The following CALD1 variants were observed in gnomAD, a reference collection of about 807,000 sequenced individuals.
The protein encoded by CALD1 is caldesmon 1.
In CALD1, 33 loss-of-function variants were observed where a neutral mutation model predicts 99.9. The observed-to-expected ratio is 0.33, with a 90% confidence interval of 0.25 to 0.44. CALD1 has a LOEUF of 0.44. Ranked by LOEUF, CALD1 falls within the 20% of genes least tolerant of loss-of-function variation. The probability of loss-of-function intolerance (pLI) is 1.00; values close to 1 mark genes in which losing one functional copy is unlikely to be tolerated. For missense variants in CALD1, 861 were observed against 962.1 expected (o/e 0.89, Z 1.39); for synonymous variants, 310 against 325.0 (o/e 0.95, Z 0.50).
chr7:134,749,020 G>A (rs1796661015), intron 1 of CALD1, among the ~76,000 whole-genome samples: 1 of 152,158 alleles, frequency 6.6e-6, no homozygotes, highest in Non-Finnish European at 1.5e-5. Context: ...CCCTGAATCT[G>A]CCCTGAGTTT....
At chr7:134,728,885 C>T in the CALD1 span, among the ~76,000 whole-genome samples, 3 of 132,282 alleles carry the variant, frequency 2.3e-5, no homozygotes, top group Non-Finnish European at 4.7e-5. Flanking sequence ...CAGAGTCTTG[C>T]TCTGTGCCCA....
chr7:134,929,153 T>C (rs1305093574), intron 4 of CALD1, among the ~76,000 whole-genome samples: 1 of 152,224 alleles, frequency 6.6e-6, no homozygotes, highest in Non-Finnish European at 1.5e-5. Flanking sequence ...TGAAGGCTTT[T>C]ATTTCATTTC....
At chr7:134,869,416 G>C (rs564453950) in intron 3 of CALD1, among the ~76,000 whole-genome samples, 1 of 152,310 alleles carries the variant, frequency 6.6e-6, no homozygotes, top group African/African-American at 2.4e-5. Context: ...CAGTGGACTA[G>C]AATATGGGGA....
chr7:134,739,807 C>T (rs1179580310), upstream of CALD1, among the ~76,000 whole-genome samples: 2 of 151,794 alleles, frequency 1.3e-5, no homozygotes, highest in Non-Finnish European at 1.5e-5. Flanking sequence ...TTTGGAGGCT[C>T]TTTGTTGAGG....
intron 6 of CALD1, among the ~76,000 whole-genome samples, chr7:134,936,380 G>A (rs181459007): frequency 4.6e-5 from 7 of 152,280 alleles, no homozygotes; most frequent in East Asian, 1.9e-4. Flanking sequence ...AGAATGGCAC[G>A]GGGTTTGACA....
At chr7:134,746,078 G>A (rs890131411) in intron 1 of CALD1, among the ~76,000 whole-genome samples, 7 of 152,220 alleles carry the variant, frequency 4.6e-5, no homozygotes, top group African/African-American at 1.7e-4. Context: ...GCCTTCAGGA[G>A]TCAAAGCTTG....
At chr7:134,864,404 CTT>C (rs34915812) in intron 2 of CALD1, among the ~76,000 whole-genome samples, 1 of 142,576 alleles carries the variant, frequency 7.0e-6, no homozygotes. Context: ...TTTTTCTTTC[CTT>C]TTTTTTTTTT....
chr7:134,937,926 T>G (rs1343275203), intron 6 of CALD1, among the ~76,000 whole-genome samples: 1 of 152,246 alleles, frequency 6.6e-6, no homozygotes, highest in Admixed American at 6.5e-5. Flanking sequence ...TGGTTCTTCA[T>G]GCAGGAGCTA....
intron 1 of CALD1, among the ~76,000 whole-genome samples, chr7:134,801,613 TTC>T (rs148788199): frequency 1.1e-3 from 163 of 150,488 alleles, no homozygotes; most frequent in East Asian, 3.7e-3. Context: ...TCACATTTTC[TTC>T]TCTCTCTCTC....
intron 1 of CALD1, among the ~76,000 whole-genome samples, chr7:134,842,979 C>T (rs1175027434): frequency 2.0e-5 from 3 of 152,096 alleles, no homozygotes; most frequent in African/African-American, 4.8e-5. Context: ...TCCCCATGCC[C>T]GAGGAGATGG....
chr7:134,821,630 T>C (rs58745994), intron 1 of CALD1, among the ~76,000 whole-genome samples: 28,880 of 107,418 alleles, frequency 0.27, 4,925 homozygotes, highest in East Asian at 0.58. Context: ...TCACCCAGGC[T>C]GGAGTGCAAT....
chr7:134,898,834 C>T (rs1371929427), intron 3 of CALD1, among the ~76,000 whole-genome samples: 2 of 152,184 alleles, frequency 1.3e-5, no homozygotes, highest in South Asian at 2.1e-4. Flanking sequence ...GCATTATAGG[C>T]GTGAGCCACT....
the CALD1 span, among the ~76,000 whole-genome samples, chr7:134,729,461 G>A: frequency 6.6e-6 from 1 of 152,228 alleles, no homozygotes; most frequent in African/African-American, 2.4e-5. Flanking sequence ...GGTGGCACAG[G>A]GCACAGGGCA....
At chr7:134,964,057 C>T (rs1246748756) in intron 13 of CALD1, among the ~76,000 whole-genome samples, 3 of 152,098 alleles carry the variant, frequency 2.0e-5, no homozygotes, top group Non-Finnish European at 4.4e-5. Flanking sequence ...ATTAGCTGAG[C>T]GTGGTGGCTT....
At chr7:134,959,623 T>G (rs1808096440) in intron 11 of CALD1, among the ~76,000 whole-genome samples, 1 of 152,090 alleles carries the variant, frequency 6.6e-6, no homozygotes, top group African/African-American at 2.4e-5. Flanking sequence ...TGAGCCTTGA[T>G]TGTGCCACTG....
chr7:134,905,048 G>C (rs1803269914), intron 3 of CALD1, among the ~76,000 whole-genome samples: 1 of 152,082 alleles, frequency 6.6e-6, no homozygotes, highest in South Asian at 2.1e-4. Flanking sequence ...AGGAACAAGG[G>C]AACACAAAGA....
chr7:134,950,379 G>A lies in CALD1; in HGVS notation c.1800G>A (p.Glu600=). The change falls in exon 9 of 15, where the codon GAG becomes GAA. Residue 600 remains glutamate, a synonymous_variant. Transcript: ENST00000361675. The part of the protein sequence containing the change: ...EADRKLREEE[E]KRRLKEEIER... ...ATTTGTTCTTTCTCTCTTAGGAAGA[G>A]AAGAGGAGGCTAAAGGAAGAGATTG... is the stretch of plus-strand genomic sequence containing the variant. 1 of 1,614,084 alleles carries A rather than the reference G, an allele frequency of 6.2e-7. No homozygotes were observed. The highest frequency in any genetic ancestry group is 1.1e-5 in the South Asian group (1 of 91,074).
intron 1 of CALD1, among the ~76,000 whole-genome samples, chr7:134,767,602 G>A (rs950505391): frequency 2.6e-5 from 4 of 152,184 alleles, no homozygotes; most frequent in African/African-American, 9.6e-5. Flanking sequence ...TAGGAGGGGA[G>A]GCCAGGCCTC....
chr7:134,717,453 T>C, the CALD1 span, among the ~76,000 whole-genome samples: 240 of 152,348 alleles, frequency 1.6e-3, 3 homozygotes, highest in African/African-American at 5.5e-3. Context: ...CATTTCAGTT[T>C]CATTCAACAC....
Sources: gnomAD v4.1 joint callset for allele counts (sites outside exome capture counted in the v4.1 genomes callset) on GRCh38, gnomAD v4.1.1 for gene constraint, MANE v1.5 for transcripts, NCBI Gene and HGNC (gene_info 2026-07-23, HGNC 2026-07-21) for gene names.